The following CDH18 variants were observed in gnomAD, a reference collection of about 807,000 sequenced individuals.
CDH18 encodes cadherin-18.
In CDH18, 31 loss-of-function variants were observed where a neutral mutation model predicts 67.9. The observed-to-expected ratio is 0.46, with a 90% CI of 0.34 to 0.62. The LOEUF (loss-of-function observed/expected upper bound fraction) is 0.62. Among genes scored for constraint, CDH18 ranks in the 20% least tolerant of loss-of-function variants. The pLI, the probability that CDH18 is intolerant of heterozygous loss-of-function variation, is 0.01. For synonymous variants in CDH18, 362 were observed against 347.2 expected (o/e 1.04, Z -0.48); for missense variants, 890 against 975.5 (o/e 0.91, Z 1.17).
At chr5:19,693,344 G>T (rs1458255893) in intron 5 of CDH18, among the ~76,000 whole-genome samples, 1 of 152,072 alleles carries the variant, frequency 6.6e-6, no homozygotes, top group Non-Finnish European at 1.5e-5. Context: ...TTATGTGAAA[G>T]AATTAAATCA....
intron 1 of CDH18, among the ~76,000 whole-genome samples, chr5:20,399,946 A>G (rs1436376703): frequency 6.6e-6 from 1 of 152,220 alleles, no homozygotes; most frequent in Non-Finnish European, 1.5e-5. Flanking sequence ...CCTCCGAGCT[A>G]TAAGACAGTG....
chr5:20,040,791 C>T (rs1219230701), intron 2 of CDH18, among the ~76,000 whole-genome samples: 3 of 152,076 alleles, frequency 2.0e-5, no homozygotes, highest in Non-Finnish European at 4.4e-5. Flanking sequence ...TGCTATTCTG[C>T]CCTCCTGTGA....
At chr5:19,991,503 GAA>G (rs1203569354), upstream of CDH18, among the ~76,000 whole-genome samples, 1 of 151,926 alleles carries the variant, frequency 6.6e-6, no homozygotes, top group African/African-American at 2.4e-5. Flanking sequence ...TTTATATAAA[GAA>G]AAAGAGCTAG....
At chr5:19,600,973 C>G (rs1185183112) in intron 6 of CDH18, among the ~76,000 whole-genome samples, 1 of 152,070 alleles carries the variant, frequency 6.6e-6, no homozygotes, top group Non-Finnish European at 1.5e-5. Flanking sequence ...TCGATGTTTC[C>G]ATGAGGGAAC....
chr5:20,455,926 A>G (rs1247442872), intron 1 of CDH18, among the ~76,000 whole-genome samples: 1 of 152,122 alleles, frequency 6.6e-6, no homozygotes, highest in African/African-American at 2.4e-5. Context: ...ACCCTTTAAA[A>G]GATGAGTAAT....
At chr5:19,926,036 A>T (rs1793044296) in intron 2 of CDH18, among the ~76,000 whole-genome samples, 1 of 152,192 alleles carries the variant, frequency 6.6e-6, no homozygotes, top group Non-Finnish European at 1.5e-5. Context: ...TTCATGACAT[A>T]TCAACTTTAA....
intron 1 of CDH18, among the ~76,000 whole-genome samples, chr5:20,513,718 A>G (rs1264446900): frequency 6.6e-6 from 1 of 152,122 alleles, no homozygotes; most frequent in Non-Finnish European, 1.5e-5. Context: ...CAAAATAAAC[A>G]TTCATTGGAG....
chr5:19,906,161 T>TA lies in CDH18; in HGVS notation c.-256-66920dup, dbSNP rs1216477706. On this transcript the variant is annotated intron_variant, in intron 2 of 12. Transcript: ENST00000382275. ...AGTTCCCATATCTAGTGAAAGAGGT[T>TA]AAAAAAAGAAACTTGACATGAATTC... Among the ~76,000 whole-genome samples the TA allele has an allele frequency of 2.6e-5, 4 of 151,900 alleles. No homozygotes were observed. In the South Asian group the frequency reaches 8.3e-4, roughly 32 times the overall value.
chr5:20,142,982 T>G (rs1401398509), intron 2 of CDH18, among the ~76,000 whole-genome samples: 1 of 152,106 alleles, frequency 6.6e-6, no homozygotes, highest in African/African-American at 2.4e-5. Context: ...CTGAAAAATA[T>G]AGAGGTAGTT....
chr5:20,333,528 T>TACACACACACACAC (rs10658368), intron 1 of CDH18, among the ~76,000 whole-genome samples: 16 of 136,830 alleles, frequency 1.2e-4, no homozygotes, highest in African/African-American at 4.3e-4. Context: ...ACAATATATA[T>TACACACACACACAC]ACACACACAC....
chr5:19,851,120 T>A (rs994758148), intron 2 of CDH18, among the ~76,000 whole-genome samples: 42 of 151,806 alleles, frequency 2.8e-4, no homozygotes, highest in African/African-American at 9.6e-4. Context: ...TCCTCGAGAG[T>A]ATTATTAGAT....
intron 1 of CDH18, chr5:20,304,563 G>A: frequency 6.2e-7 from 1 of 1,611,280 alleles, no homozygotes; most frequent in Non-Finnish European, 8.5e-7. Context: ...AGTTTCCAGG[G>A]GAGAATGAAA....
intron 2 of CDH18, among the ~76,000 whole-genome samples, chr5:20,154,822 C>T (rs1396385496): frequency 6.6e-6 from 1 of 152,170 alleles, no homozygotes; most frequent in Non-Finnish European, 1.5e-5. Flanking sequence ...ACAATATGGC[C>T]TCATTAATGC....
intron 2 of CDH18, among the ~76,000 whole-genome samples, chr5:19,921,757 C>T (rs1792507440): frequency 6.6e-6 from 1 of 151,934 alleles, no homozygotes; most frequent in East Asian, 1.9e-4. Context: ...TCAAAATTAG[C>T]ATATTTTTCA....
chr5:19,599,159 T>C (rs1746659999), intron 6 of CDH18, among the ~76,000 whole-genome samples: 1 of 152,078 alleles, frequency 6.6e-6, no homozygotes, highest in South Asian at 2.1e-4. Flanking sequence ...TATGTGTGTG[T>C]ATATATATTT....
chr5:20,082,485 AT>A (rs1239935163), intron 2 of CDH18, among the ~76,000 whole-genome samples: 6 of 152,190 alleles, frequency 3.9e-5, no homozygotes, highest in African/African-American at 1.4e-4. Flanking sequence ...CTATGTAACT[AT>A]TTTTTGCAAA....
intron 1 of CDH18, among the ~76,000 whole-genome samples, chr5:20,416,340 A>C (rs181693099): frequency 3.9e-5 from 6 of 152,280 alleles, no homozygotes; most frequent in African/African-American, 1.4e-4. Flanking sequence ...TAATAGAGAA[A>C]TGACTTTGTC....
chr5:19,544,034 G>C, intron 8 of CDH18, 29 bp from the exon 9 acceptor site: 1 of 1,339,752 alleles, frequency 7.5e-7, no homozygotes. Flanking sequence ...GTTTTTACTT[G>C]ATGTTATAAT....
intron 2 of CDH18, among the ~76,000 whole-genome samples, chr5:19,842,746 G>C (rs1782478450): frequency 6.6e-6 from 1 of 152,088 alleles, no homozygotes; most frequent in Non-Finnish European, 1.5e-5. Flanking sequence ...AGGAAGATGT[G>C]GGAAAATTTG....
Sources: gnomAD v4.1 joint callset for allele counts (sites outside exome capture counted in the v4.1 genomes callset) on GRCh38, gnomAD v4.1.1 for gene constraint, MANE v1.5 for transcripts, NCBI Gene and HGNC (gene_info 2026-07-23, HGNC 2026-07-21) for gene names.